Variants in RASA1 observed in about 807,000 individuals in gnomAD.
RASA1 encodes the protein RAS p21 protein activator 1.
In RASA1, 25 loss-of-function variants were observed where a neutral mutation model predicts 132.2. That is an observed-to-expected ratio of 0.19 (90% CI 0.14 to 0.26). The LOEUF is 0.26. Ranked by LOEUF, RASA1 falls within the 10% of genes least tolerant of loss-of-function variation. The pLI, the probability that RASA1 is intolerant of heterozygous loss-of-function variation, is 1.00. For missense variants in RASA1, 964 were observed against 1,299.2 expected (o/e 0.74, Z 3.97); for synonymous variants, 477 against 449.9 (o/e 1.06, Z -0.76).
intron 1 of RASA1, among the ~76,000 whole-genome samples, chr5:87,270,753 A>G (rs978992072): frequency 1.4e-5 from 2 of 141,836 alleles, no homozygotes; most frequent in Non-Finnish European, 3.0e-5. Flanking sequence ...ACCCTAATCC[A>G]TTTTTGACTT....
rs575937510 is a variant in RASA1 at position 87,358,993 on chromosome 5, A to G, written c.1333-3558A>G. 9.8e-5 allele frequency among the ~76,000 whole-genome samples: 15 copies of G among 152,286 alleles called. No homozygotes were observed. The East Asian group carries it at 2.7e-3, about 27-fold the overall frequency. On this transcript the variant is annotated intron_variant, in intron 9 of 24. Coordinates refer to ENST00000274376, the MANE Select transcript of RASA1 (RefSeq NM_002890.3). The stretch of plus-strand genomic sequence containing the variant: ...CTTAATTAACACTGCAACTTGCTCA[A>G]CCCTGCGGAGCACTTACCTTCTAAC...
intron 9 of RASA1, among the ~76,000 whole-genome samples, chr5:87,353,627 CTTTG>C (rs1206880704): frequency 4.6e-5 from 7 of 152,058 alleles, no homozygotes; most frequent in African/African-American, 7.2e-5. Context: ...TACACTTTTT[CTTTG>C]TTTATTTGCC....
At chr5:87,308,323 C>T (rs895686405) in intron 1 of RASA1, among the ~76,000 whole-genome samples, 1 of 151,960 alleles carries the variant, frequency 6.6e-6, no homozygotes, top group Non-Finnish European at 1.5e-5. Flanking sequence ...TGAATGGCAC[C>T]TTCTTTAGGA....
chr5:87,366,496 G>T, intron 11 of RASA1: 1 of 215,114 alleles, frequency 4.6e-6, no homozygotes, highest in Non-Finnish European at 1.0e-5. Context: ...TCCTATTCTG[G>T]TTAGTAACAA....
At chr5:87,360,124 GTTT>G (rs755443447) in intron 9 of RASA1, among the ~76,000 whole-genome samples, 2 of 132,694 alleles carry the variant, frequency 1.5e-5, no homozygotes, top group East Asian at 4.3e-4. Flanking sequence ...TCAAAATGCA[GTTT>G]TTTTTTTTTT....
chr5:87,316,095 C>CT, intron 1 of RASA1, among the ~76,000 whole-genome samples: 1 of 152,272 alleles, frequency 6.6e-6, no homozygotes, highest in East Asian at 1.9e-4. Flanking sequence ...TAATGTTTAA[C>CT]TTTTTTGTGC....
intron 6 of RASA1, among the ~76,000 whole-genome samples, chr5:87,345,448 CT>C (rs1194887444): frequency 1.3e-5 from 2 of 152,070 alleles, no homozygotes; most frequent in Non-Finnish European, 2.9e-5. Context: ...AAAAATCCTG[CT>C]CTAGCATTTG....
At chr5:87,374,138 T>C in intron 13 of RASA1, 25 bp from the exon 14 acceptor site, 2 of 1,377,800 alleles carry the variant, frequency 1.5e-6, no homozygotes, top group African/African-American at 1.5e-5. Flanking sequence ...GGGTAATATA[T>C]ATATATATAT....
intron 1 of RASA1, among the ~76,000 whole-genome samples, chr5:87,305,160 A>C (rs1755552901): frequency 6.6e-6 from 1 of 152,066 alleles, no homozygotes; most frequent in Non-Finnish European, 1.5e-5. Context: ...GTTTCTTTGA[A>C]TATAATGTCT....
In RASA1 at chr5:87,349,350, C is replaced by T. The variant is rs752030661; in HGVS notation, c.1239C>T (p.Gly413=). The T allele has an allele frequency of 5.0e-6, 8 of 1,611,532 alleles. No homozygotes were observed. Among genetic ancestry groups the T allele is most frequent in the African/African-American group, 1.3e-5 (1 of 74,866 alleles). ...CAAACAATCAGTTTATGATGGGAGG[C>T]CGGTATTATAACAGGTAAATCATAA... The part of the protein sequence containing the change: ...PTPNNQFMMG[G]RYYNSIGDII... The change falls in exon 8 of 25, where the codon GGC becomes GGT. Residue 413 remains glycine (G), a synonymous_variant. Transcript: ENST00000274376.
chr5:87,311,126 C>A (rs1331896892), intron 1 of RASA1, among the ~76,000 whole-genome samples: 2 of 152,160 alleles, frequency 1.3e-5, no homozygotes, highest in Non-Finnish European at 2.9e-5. Flanking sequence ...GAGTCGATAT[C>A]TGAACTAGCC....
At position 87,369,445 on chromosome 5, in the gene RASA1, A is replaced by G. The variant is rs961480710; in HGVS notation, c.1611-368A>G. Among the ~76,000 whole-genome samples the G allele has an allele frequency of 4.6e-5, 7 of 152,224 alleles. No individual in the cohort carries two copies. In the East Asian group the frequency reaches 1.4e-3, roughly 29 times the overall value. On this transcript the variant is annotated intron_variant, in intron 11 of 24. Coordinates refer to ENST00000274376, the MANE Select transcript of RASA1 (RefSeq NM_002890.3). The stretch of plus-strand genomic sequence containing the variant: ...CTCCTTAGAGATAATTACTTAGAAC[A>G]TTTTTGGTCTAAGAACATTTCTAGT...
rs572065583 is a variant in RASA1, at chr5:87,281,068, C to G, written c.539+12078C>G. On this transcript the variant is annotated intron_variant, in intron 1 of 24. Coordinates refer to ENST00000274376, the MANE Select transcript of RASA1 (RefSeq NM_002890.3). ...TGCACATGGTATATAAATATCTGTTCCAGTGCCTGCTTTCATTTTGGGTAT... is the reference window on the plus strand; with the variant it reads ...TGCACATGGTATATAAATATCTGTTGCAGTGCCTGCTTTCATTTTGGGTAT... Among the ~76,000 whole-genome samples the G allele has an allele frequency of 3.3e-5, 5 of 151,956 alleles. No homozygotes were observed. The South Asian group carries it at 6.3e-4, about 19-fold the overall frequency.
At chr5:87,371,959 A>G (rs1760978630) in intron 12 of RASA1, among the ~76,000 whole-genome samples, 159 bp from the exon 13 acceptor site, 1 of 151,620 alleles carries the variant, frequency 6.6e-6, no homozygotes, top group Non-Finnish European at 1.5e-5. Context: ...TTGTTATTTT[A>G]TTATTGGTTA....
chr5:87,312,804 CAAAT>C (rs756135540), intron 1 of RASA1, among the ~76,000 whole-genome samples: 3 of 152,030 alleles, frequency 2.0e-5, no homozygotes, highest in Non-Finnish European at 4.4e-5. Flanking sequence ...ATCTAGCAAA[CAAAT>C]AAACAAGAAC....
chr5:87,283,172 T>C (rs538854478), intron 1 of RASA1, among the ~76,000 whole-genome samples: 1 of 151,028 alleles, frequency 6.6e-6, no homozygotes, highest in East Asian at 1.9e-4. Context: ...TGGTTGTTAT[T>C]GTAGCTTGTT....
chr5:87,305,446 T>C lies in RASA1; in HGVS notation c.540-25902T>C, dbSNP rs149175535. 4.3e-3 allele frequency among the ~76,000 whole-genome samples: 655 copies of C among 152,270 alleles called. 6 individuals carry two copies. The highest frequency in any genetic ancestry group is 8.3e-3 in the East Asian group (43 of 5,180). On this transcript the variant is annotated intron_variant, in intron 1 of 24. Coordinates refer to ENST00000274376, the MANE Select transcript of RASA1 (RefSeq NM_002890.3). ...GATAACTGGCTAGCCATATGCAGGTTGATTGAAACTAGACCCTTTCCTTAC... is the reference window on the plus strand; with the variant it reads ...GATAACTGGCTAGCCATATGCAGGTCGATTGAAACTAGACCCTTTCCTTAC...
intron 1 of RASA1, among the ~76,000 whole-genome samples, chr5:87,283,457 C>A (rs1754410089): frequency 6.6e-6 from 1 of 151,756 alleles, no homozygotes; most frequent in South Asian, 2.1e-4. Flanking sequence ...TAAATAATCA[C>A]TTTTCCCCTA....
chr5:87,289,957 A>G (rs1754844860), intron 1 of RASA1, among the ~76,000 whole-genome samples: 1 of 151,954 alleles, frequency 6.6e-6, no homozygotes, highest in Admixed American at 6.6e-5. Flanking sequence ...TGGTTTCTAT[A>G]TTAGTCACTT....
Sources: gnomAD v4.1 joint callset for allele counts (sites outside exome capture counted in the v4.1 genomes callset) on GRCh38, gnomAD v4.1.1 for gene constraint, MANE v1.5 for transcripts, NCBI Gene and HGNC (gene_info 2026-07-23, HGNC 2026-07-21) for gene names.